DNAJC25: variants seen among roughly 807,000 people sequenced by gnomAD.
DNAJC25 encodes the protein DnaJ heat shock protein family (Hsp40) member C25.
A neutral mutation model predicts 42.1 loss-of-function variants in DNAJC25; 26 were observed. The observed-to-expected ratio is 0.62, with a 90% CI of 0.45 to 0.86. The LOEUF (loss-of-function observed/expected upper bound fraction) is 0.86. Among genes scored for constraint, DNAJC25 ranks in the 40% least tolerant of loss-of-function variants. The pLI is 0.00. For synonymous variants in DNAJC25, 189 were observed against 179.9 expected (o/e 1.05, Z -0.40); for missense variants, 404 against 459.4 (o/e 0.88, Z 1.10).
chr9:111,639,685 A>ATGTGTG (rs146132985), intron 1 of DNAJC25, among the ~76,000 whole-genome samples: 20 of 149,820 alleles, frequency 1.3e-4, no homozygotes, highest in Admixed American at 5.3e-4. Flanking sequence ...TTTCAAAAAA[A>ATGTGTG]TGTGTGTGTG....
rs572890811 is a variant in DNAJC25 at position 111,639,201 on chromosome 9, G to A, written c.336+7458G>A. Among the ~76,000 whole-genome samples the A allele has an allele frequency of 7.2e-5, 11 of 152,306 alleles. No homozygotes were observed. In the South Asian group the frequency reaches 1.5e-3, roughly 20 times the overall value. ...CTAGATGGAGGGTTCTTGAGGCCAC[G>A]GACCTGTCTTGTCTTTTATTCTCTT... On this transcript the variant is annotated intron_variant, in intron 1 of 3. Coordinates refer to ENST00000313525, the MANE Select transcript of DNAJC25 (RefSeq NM_001015882.3).
chr9:111,649,837 A>T lies in DNAJC25; in HGVS notation c.874A>T (p.Met292Leu), dbSNP rs1428690956. 6.2e-7 allele frequency: 1 copy of T among 1,612,764 alleles called. No homozygotes were observed. Among genetic ancestry groups the T allele is most frequent in the Admixed American group, 1.7e-5 (1 of 59,812 alleles). ...RLYIIRKSMK[M>L]SKSQFDSLED... Reference sequence around the variant, plus strand: ...ATACATTATACGTAAATCTATGAAGATGTCAAAGTCTCAATTTGATAGTCT... The same window carrying T: ...ATACATTATACGTAAATCTATGAAGTTGTCAAAGTCTCAATTTGATAGTCT... Residue 292 changes from methionine to leucine, a missense_variant, in exon 3 of 4, where the codon ATG (methionine) becomes TTG (leucine). Coordinates refer to ENST00000313525, the MANE Select transcript of DNAJC25 (RefSeq NM_001015882.3).
At chr9:111,646,920 C>A in intron 1 of DNAJC25, 187 bp from the exon 2 acceptor site, 1 of 499,824 alleles carries the variant, frequency 2.0e-6, no homozygotes, top group Non-Finnish European at 3.3e-6. Flanking sequence ...TTATATCTAA[C>A]ATTGAAGTTC....
chr9:111,641,133 G>T (rs1830452375), intron 1 of DNAJC25, among the ~76,000 whole-genome samples: 1 of 112,166 alleles, frequency 8.9e-6, no homozygotes, highest in Non-Finnish European at 1.7e-5. Flanking sequence ...AGATGGGGGG[G>T]TCAGCCCCCC....
intron 1 of DNAJC25, among the ~76,000 whole-genome samples, chr9:111,637,945 T>C (rs1001205123): frequency 6.6e-5 from 10 of 152,226 alleles, no homozygotes; most frequent in African/African-American, 2.4e-4. Context: ...TGTGTACTCT[T>C]TTCTTTTTTA....
rs1393365303 is a variant in DNAJC25, at chr9:111,649,557, C to A, written c.594C>A (p.Leu198=). 1.2e-6 allele frequency: 2 copies of A among 1,613,580 alleles called. No homozygotes were observed. Among genetic ancestry groups the A allele is most frequent in the East Asian group, 4.5e-5 (2 of 44,872 alleles). Residue 198 remains leucine, a synonymous_variant, in exon 3 of 4, where the codon CTC becomes CTA. Transcript: ENST00000313525. ...AGATTGCCAAGCAGCAGGGACTGCT[C>A]AAAAAAGCCAAAGAAAAAGGCAAAA... ...ATEIAKQQGL[L]KKAKEKGKNK...
At chr9:111,648,257 C>T (rs899128798) in intron 2 of DNAJC25, among the ~76,000 whole-genome samples, 3 of 144,566 alleles carry the variant, frequency 2.1e-5, no homozygotes, top group South Asian at 4.3e-4. Flanking sequence ...TTCCCAGAAA[C>T]GATTCAGTTT....
At chr9:111,641,676 G>C (rs1830471238) in intron 1 of DNAJC25, among the ~76,000 whole-genome samples, 2 of 39,258 alleles carry the variant, frequency 5.1e-5, no homozygotes, top group African/African-American at 1.7e-4. Context: ...GAGGGAGGTG[G>C]GGGGGGGGTC....
chr9:111,641,644 C>T (rs1830469688), intron 1 of DNAJC25, among the ~76,000 whole-genome samples: 2 of 140,654 alleles, frequency 1.4e-5, no homozygotes, highest in African/African-American at 2.8e-5. Context: ...CAGCCCCCCG[C>T]CCGGCCAGCC....
chr9:111,645,714 T>C (rs939447683), intron 1 of DNAJC25, among the ~76,000 whole-genome samples: 1 of 152,232 alleles, frequency 6.6e-6, no homozygotes, highest in Non-Finnish European at 1.5e-5. Flanking sequence ...AGCAAGGCAC[T>C]AAGTTTAGAT....
intron 3 of DNAJC25, among the ~76,000 whole-genome samples, chr9:111,650,219 C>A (rs1589348768): frequency 6.6e-6 from 1 of 151,042 alleles, no homozygotes; most frequent in Non-Finnish European, 1.5e-5. Context: ...AAGGGTGTTA[C>A]AACAACTTTT....
In DNAJC25 at chr9:111,649,479, T is replaced by A. The variant is rs1438821539; in HGVS notation, c.516T>A (p.Asn172Lys). 2 of 1,596,870 alleles carry A rather than the reference T, an allele frequency of 1.3e-6. No individual in the cohort carries two copies. Among genetic ancestry groups the A allele is most frequent in the African/African-American group, 2.7e-5 (2 of 73,588 alleles). Residue 172 changes from asparagine (N) to lysine (K), a missense_variant, in exon 3 of 4, where the codon AAT (asparagine) becomes AAA (lysine). Asn to Lys is a moderately conservative substitution (Grantham distance 94). Transcript: ENST00000313525. Reference sequence around the variant, plus strand: ...TTTTCAGCTGGTGGAATAGCTACAATAAGGCAATCAGCTACCTAGCCACAG... The same window carrying A: ...TTTTCAGCTGGTGGAATAGCTACAAAAAGGCAATCAGCTACCTAGCCACAG... The part of the protein sequence containing the change: ...FQFFSWWNSY[N>K]KAISYLATVP...
intron 3 of DNAJC25, 74 bp from the exon 4 acceptor site, chr9:111,653,026 G>A (rs975343730): frequency 1.4e-6 from 2 of 1,390,424 alleles, no homozygotes; most frequent in Non-Finnish European, 1.9e-6. Flanking sequence ...TTAGAAAAAT[G>A]TAAATATGCC....
intron 1 of DNAJC25, among the ~76,000 whole-genome samples, chr9:111,646,232 C>T (rs951777672): frequency 3.3e-5 from 5 of 152,100 alleles, no homozygotes; most frequent in Non-Finnish European, 7.4e-5. Context: ...CAAATCGTGA[C>T]CTGGTTTAAT....
In DNAJC25 at chr9:111,649,503, A is replaced by G. The variant is rs776791144; in HGVS notation, c.540A>G (p.Thr180=). 9 of 1,608,414 alleles carry G rather than the reference A, an allele frequency of 5.6e-6. No homozygotes were observed. The highest frequency in any genetic ancestry group is 4.0e-5 in the African/African-American group (3 of 74,342). The change falls in exon 3 of 4, where the codon ACA becomes ACG. Residue 180 remains threonine, a synonymous_variant. Transcript: ENST00000313525. The part of the protein sequence containing the change: ...SYNKAISYLA[T]VPKYRIQATE... ...ATAAGGCAATCAGCTACCTAGCCAC[A>G]GTGCCCAAGTACCGTATCCAAGCTA...
intron 1 of DNAJC25, chr9:111,643,028 A>C: frequency 2.3e-6 from 1 of 435,612 alleles, no homozygotes. Context: ...AGAAGTTGGA[A>C]TCTCCAGACC....
At chr9:111,637,887 TTTC>T (rs1830387587) in intron 1 of DNAJC25, among the ~76,000 whole-genome samples, 1 of 152,256 alleles carries the variant, frequency 6.6e-6, no homozygotes. Flanking sequence ...TTTATCGTCT[TTTC>T]TACTATCTAC....
chr9:111,638,052 A>G lies in DNAJC25; in HGVS notation c.336+6309A>G, dbSNP rs1830389264. On this transcript the variant is annotated intron_variant, in intron 1 of 3. Coordinates refer to ENST00000313525, the MANE Select transcript of DNAJC25 (RefSeq NM_001015882.3). ...TAAAACCTGCATGTTCTCCAGGCTC[A>G]TATTTTCAGCTGCCTCTCCTCTGTA... is the stretch of plus-strand genomic sequence containing the variant. 2.0e-5 allele frequency among the ~76,000 whole-genome samples: 3 copies of G among 152,220 alleles called. No individual in the cohort carries two copies. The South Asian group carries it at 6.2e-4, about 32-fold the overall frequency.
At chr9:111,651,820 C>A in intron 3 of DNAJC25, among the ~76,000 whole-genome samples, 1 of 146,844 alleles carries the variant, frequency 6.8e-6, no homozygotes, top group African/African-American at 2.5e-5. Context: ...GTATTCCAGC[C>A]TGGATGACAG....
Sources: gnomAD v4.1 joint callset for allele counts (sites outside exome capture counted in the v4.1 genomes callset) on GRCh38, gnomAD v4.1.1 for gene constraint, MANE v1.5 for transcripts, NCBI Gene and HGNC (gene_info 2026-07-23, HGNC 2026-07-21) for gene names.